The following CLK4 variants were observed in gnomAD, a reference collection of about 807,000 sequenced individuals.
CLK4 encodes dual specificity protein kinase CLK4.
CLK4 carries 37 observed loss-of-function variants against 64.4 expected under a neutral mutation model. The ratio of observed to expected loss-of-function variants is 0.57; its 90% CI spans 0.44 to 0.76. The LOEUF (loss-of-function observed/expected upper bound fraction) is 0.76. Among genes scored for constraint, CLK4 ranks in the 30% least tolerant of loss-of-function variants. The probability of loss-of-function intolerance (pLI) is 0.00; values close to 1 mark genes in which losing one functional copy is unlikely to be tolerated. For synonymous variants in CLK4, 175 were observed against 191.6 expected (o/e 0.91, Z 0.72); for missense variants, 457 against 605.1 (o/e 0.76, Z 2.57).
At chr5:178,609,752 T>G (rs1581705593) in intron 9 of CLK4, among the ~76,000 whole-genome samples, 1 of 130,330 alleles carries the variant, frequency 7.7e-6, no homozygotes, top group Non-Finnish European at 1.6e-5. Context: ...TATATATATA[T>G]ATATAAATTA....
chr5:178,623,067 G>C, intron 2 of CLK4, 189 bp downstream of exon 2: 1 of 571,208 alleles, frequency 1.8e-6, no homozygotes. Flanking sequence ...CATACATAAG[G>C]ATAAGAACTT....
intron 9 of CLK4, among the ~76,000 whole-genome samples, chr5:178,610,995 C>G (rs1252990400): frequency 2.0e-5 from 3 of 151,196 alleles, no homozygotes; most frequent in Non-Finnish European, 2.9e-5. Flanking sequence ...ATCGCGCGAA[C>G]CTGGGAGGTG....
rs375302614 is a variant in CLK4, at chr5:178,612,425, C to T, written c.1042G>A (p.Val348Ile). 9.3e-6 allele frequency: 15 copies of T among 1,611,030 alleles called. No individual in the cohort carries two copies. Among genetic ancestry groups the T allele is most frequent in the Non-Finnish European group, 1.2e-5 (14 of 1,178,244 alleles). The part of the protein sequence containing the change: ...VSTRHYRAPE[V>I]ILALGWSQPC... The stretch of plus-strand genomic sequence containing the variant: ...CCTGGTGTCTACTGACCCAAAATGA[C>T]CTCGGGAGCTCTGTAGTGCCGGGTA... Residue 348 changes from valine to isoleucine, a missense_variant, in exon 9 of 13, where the codon GTC (valine) becomes ATC (isoleucine). Val to Ile is a conservative substitution (Grantham distance 29). Coordinates refer to ENST00000316308, the MANE Select transcript of CLK4 (RefSeq NM_020666.3).
At chr5:178,607,252 C>T (rs1312622046) in intron 10 of CLK4, among the ~76,000 whole-genome samples, 1 of 151,984 alleles carries the variant, frequency 6.6e-6, no homozygotes, top group Non-Finnish European at 1.5e-5. Flanking sequence ...CAATACCTTG[C>T]GAAGTCTTTT....
chr5:178,612,495 A>G lies in CLK4; in HGVS notation c.972T>C (p.Phe324=), dbSNP rs1483131746. Residue 324 remains phenylalanine, a synonymous_variant, in exon 9 of 13, where the codon TTT becomes TTC. Transcript: ENST00000316308. ...GTTCATCATCATACGTTGCACTTCC[A>G]AAGTCAACAACTTTGATATCTGTGT... The part of the protein sequence containing the change: ...LKNTDIKVVD[F]GSATYDDEHH... 1 of 1,614,152 alleles carries G rather than the reference A, an allele frequency of 6.2e-7. No individual in the cohort carries two copies. Among genetic ancestry groups the G allele is most frequent in the East Asian group, 2.2e-5 (1 of 44,876 alleles).
At position 178,617,522 on chromosome 5, in the gene CLK4, G is replaced by A. The variant is rs1379335576; in HGVS notation, c.385-88C>T. On this transcript the variant is annotated intron_variant, in intron 3 of 12. Coordinates refer to ENST00000316308, the MANE Select transcript of CLK4 (RefSeq NM_020666.3). The surrounding 1 kb of genome is among the most constrained non-coding windows in gnomAD (Gnocchi z 5.2). ...GGGCAGAATACGCAATTCATTCAGC[G>A]GGGAGATATTCAGGCATTCAGATAA... The A allele has an allele frequency of 1.7e-5, 22 of 1,277,762 alleles. No homozygotes were observed. Among genetic ancestry groups the A allele is most frequent in the East Asian group, 1.2e-4 (5 of 41,628 alleles). The allele number at this position is 1,277,762 out of a possible 1,614,324, so 79.2% of individuals were successfully genotyped here. A position where few individuals can be genotyped will look rare whatever the true frequency, so the allele number is the denominator to read the frequency against.
Position 178,615,605 on chromosome 5 carries a change from T to C in CLK4, c.542+1277A>G, listed in dbSNP as rs550677395. 1.5e-3 allele frequency among the ~76,000 whole-genome samples: 235 copies of C among 152,320 alleles called. 2 individuals carry two copies. In the Middle Eastern group the frequency reaches 0.027, roughly 18 times the overall value. ...TCAAGAAGAGTTTGTTTATGGATGA[T>C]GGTAGGTATCAAGCTGCTATGGTAT... On this transcript the variant is annotated intron_variant, in intron 5 of 12. Transcript: ENST00000316308.
At chr5:178,605,223 TACA>T in intron 11 of CLK4, 77 bp downstream of exon 11, 1 of 811,912 alleles carries the variant, frequency 1.2e-6, no homozygotes, top group South Asian at 2.3e-5. Context: ...GAATCAGTAT[TACA>T]ACAACGTTGG....
rs1309479752 is a variant in CLK4, at chr5:178,627,048, G to T, written c.-103C>A. 4 of 152,750 alleles carry T rather than the reference G, an allele frequency of 2.6e-5. No individual in the cohort carries two copies. Among genetic ancestry groups the T allele is most frequent in the African/African-American group, 9.6e-5 (4 of 41,468 alleles). The allele number at this position is 152,750 out of a possible 1,614,324, so 9.5% of individuals were successfully genotyped here. ...CACCCCACAAAATGGCGGCAGCGCCGTCGCCCTAGAATCCCCCGAGTCGCC... is the reference window on the plus strand; with the variant it reads ...CACCCCACAAAATGGCGGCAGCGCCTTCGCCCTAGAATCCCCCGAGTCGCC... On this transcript the variant is annotated 5_prime_UTR_variant, in exon 1 of 13. Coordinates refer to ENST00000316308, the MANE Select transcript of CLK4 (RefSeq NM_020666.3).
chr5:178,607,507 C>CTTTTTTTTT lies in CLK4; in HGVS notation c.1134+860_1134+868dup, dbSNP rs70997615. Among the ~76,000 whole-genome samples the CTTTTTTTTT allele has an allele frequency of 7.6e-4, 59 of 78,052 alleles. 2 individuals are homozygous for CTTTTTTTTT. Among genetic ancestry groups the CTTTTTTTTT allele is most frequent in the East Asian group, 1.2e-3 (3 of 2,408 alleles). The allele number at this position is 78,052 out of a possible 152,430, so 51.2% of individuals were successfully genotyped here. Reference sequence around the variant, plus strand: ...TGGGTTCTCCCTACCTACACTTTGTCTTTTTTTTTTTTTTTTTTTTTTGCA... The same window carrying CTTTTTTTTT: ...TGGGTTCTCCCTACCTACACTTTGTCTTTTTTTTTTTTTTTTTTTTTTTTTTTTTTTGCA... On this transcript the variant is annotated intron_variant, in intron 10 of 12. Transcript: ENST00000316308.
chr5:178,604,572 G>A (rs1280827191), intron 11 of CLK4: 1 of 151,996 alleles, frequency 6.6e-6, no homozygotes, highest in African/African-American at 2.4e-5. Context: ...ATGATGGTTT[G>A]GAATCAAACT....
intron 1 of CLK4, among the ~76,000 whole-genome samples, chr5:178,624,405 T>C (rs1394947264): frequency 6.6e-6 from 1 of 152,236 alleles, no homozygotes; most frequent in African/African-American, 2.4e-5. Context: ...TAAAATCTAT[T>C]TGTAGTAAAT....
chr5:178,618,701 T>C lies in CLK4; in HGVS notation c.239A>G (p.Tyr80Cys), dbSNP rs771197934. 4 of 1,613,856 alleles carry C rather than the reference T, an allele frequency of 2.5e-6. No homozygotes were observed. The highest frequency in any genetic ancestry group is 3.3e-5 in the Admixed American group (2 of 59,996). The change falls in exon 3 of 13, where the codon TAC (tyrosine) becomes TGC (cysteine). Residue 80 changes from tyrosine (Y) to cysteine (C), a missense_variant. By Grantham distance (194) the Tyr-to-Cys change is radical. Coordinates refer to ENST00000316308, the MANE Select transcript of CLK4 (RefSeq NM_020666.3). ...RRYVDEYRND[Y>C]CEGYVPRHYH... ...ATGTCTAGGAACATATCCTTCACAG[T>C]AGTCATTCCTGTATTCGTCAACGTA...
intron 2 of CLK4, chr5:178,619,803 A>G (rs1463392536): frequency 9.3e-6 from 12 of 1,289,340 alleles, no homozygotes; most frequent in Non-Finnish European, 1.2e-5. Context: ...AAGGACATAG[A>G]TTCAATTGGC....
chr5:178,616,781 G>T (rs1393463834), intron 5 of CLK4, 101 bp downstream of exon 5: 1 of 876,096 alleles, frequency 1.1e-6, no homozygotes, highest in Non-Finnish European at 1.8e-6. Context: ...GGGCAACAGA[G>T]GCCCTATCTC....
chr5:178,624,219 A>T (rs964617553), intron 1 of CLK4, among the ~76,000 whole-genome samples: 1 of 152,228 alleles, frequency 6.6e-6, no homozygotes, highest in Non-Finnish European at 1.5e-5. Context: ...ACGGTGGCTC[A>T]TGCCTGTAAT....
In CLK4 at chr5:178,603,941, A is replaced by C; in HGVS notation, c.1215-7T>G. 3.4e-6 allele frequency: 3 copies of C among 886,942 alleles called. No homozygotes were observed. Among genetic ancestry groups the C allele is most frequent in the Non-Finnish European group, 4.7e-6 (3 of 643,212 alleles). The allele number at this position is 886,942 out of a possible 1,614,324, so 54.9% of individuals were successfully genotyped here. ...GTGAAAATACTTGCGTTTTCTACAG[A>C]AAAAAAAAAAAAGTCTGGATTAGTA... On this transcript the variant is annotated splice_polypyrimidine_tract_variant and splice_region_variant and intron_variant, in intron 11 of 12. Transcript: ENST00000316308.
chr5:178,621,117 G>A (rs1162584139), intron 2 of CLK4, among the ~76,000 whole-genome samples: 3 of 152,152 alleles, frequency 2.0e-5, no homozygotes, highest in South Asian at 2.1e-4. Flanking sequence ...AAAACCCTGC[G>A]TGCTAGGCTA....
chr5:178,614,102 C>T (rs1470479607), intron 5 of CLK4, among the ~76,000 whole-genome samples: 1 of 152,166 alleles, frequency 6.6e-6, no homozygotes, highest in Non-Finnish European at 1.5e-5. Flanking sequence ...TTTTATACAA[C>T]AACAGTTTTA....
Sources: gnomAD v4.1 joint callset for allele counts (sites outside exome capture counted in the v4.1 genomes callset) on GRCh38, gnomAD v4.1.1 for gene constraint, Gnocchi (gnomAD v3.1) non-coding constraint, MANE v1.5 for transcripts, NCBI Gene and HGNC (gene_info 2026-07-23, HGNC 2026-07-21) for gene names.